CSMD1: variants seen among roughly 807,000 people sequenced by gnomAD.
CSMD1 encodes CUB and sushi domain-containing protein 1.
CSMD1 carries 213 observed loss-of-function variants against 417.5 expected under a neutral mutation model. The observed-to-expected ratio is 0.51, with a 90% CI of 0.46 to 0.57. The LOEUF (loss-of-function observed/expected upper bound fraction) is 0.57, where lower values mean the gene tolerates loss of function less well. Among genes scored for constraint, CSMD1 ranks in the 20% least tolerant of loss-of-function variants. The pLI is 0.00. For synonymous variants in CSMD1, 2,862 were observed against 1,736.8 expected, an observed-to-expected ratio of 1.65 and a Z score of -16.11; for missense variants, 6,923 against 4,529.7, an observed-to-expected ratio of 1.53 and a Z score of -15.17.
At chr8:4,231,789 T>G (rs1801750088) in intron 3 of CSMD1, among the ~76,000 whole-genome samples, 1 of 152,164 alleles carries the variant, frequency 6.6e-6, no homozygotes, top group African/African-American at 2.4e-5. Flanking sequence ...GTCCCCATAC[T>G]CAGGGTTCTA....
intron 5 of CSMD1, among the ~76,000 whole-genome samples, chr8:3,995,186 C>G (rs1467481046): frequency 6.6e-6 from 1 of 152,132 alleles, no homozygotes; most frequent in East Asian, 1.9e-4. Flanking sequence ...AAGGGTACTT[C>G]AAATTATTCT....
chr8:3,262,196 T>C (rs1166240977), intron 26 of CSMD1, among the ~76,000 whole-genome samples: 5,319 of 74,398 alleles, frequency 0.071, 249 homozygotes, highest in Non-Finnish European at 0.099. Context: ...TATATATATA[T>C]ATATATATAT....
At chr8:4,201,672 T>A (rs1476119964) in intron 3 of CSMD1, among the ~76,000 whole-genome samples, 2 of 151,986 alleles carry the variant, frequency 1.3e-5, no homozygotes, top group African/African-American at 4.8e-5. Flanking sequence ...ATTTCTATAA[T>A]TTACTCAAGT....
chr8:4,796,452 G>A (rs1004538402), intron 1 of CSMD1, among the ~76,000 whole-genome samples: 39 of 151,948 alleles, frequency 2.6e-4, no homozygotes, highest in African/African-American at 8.2e-4. Flanking sequence ...CCTTTGTAAT[G>A]TATGTAAATA....
intron 23 of CSMD1, among the ~76,000 whole-genome samples, chr8:3,338,802 C>T (rs1451307470): frequency 1.3e-5 from 2 of 148,648 alleles, no homozygotes; most frequent in African/African-American, 5.0e-5. Flanking sequence ...CTGTTCATCT[C>T]CAGCCTTTCT....
In CSMD1 at chr8:4,786,634, T is replaced by A. The variant is rs150059553; in HGVS notation, c.86-149076A>T. ...AGATGATGCTTGAATCTCTCTCTGA[T>A]CTGAGCCTGAATCCAATCTAGAATA... On this transcript the variant is annotated intron_variant, in intron 1 of 69. Coordinates refer to ENST00000635120, the MANE Select transcript of CSMD1 (RefSeq NM_033225.6). Among the ~76,000 whole-genome samples, 1,146 of 152,338 alleles carry A rather than the reference T, an allele frequency of 7.5e-3. 15 individuals carry two copies. Among genetic ancestry groups the A allele is most frequent in the African/African-American group, 0.026 (1,095 of 41,588 alleles).
At chr8:3,998,139 T>C (rs757514924) in intron 4 of CSMD1, 29 bp from the exon 5 acceptor site, 1 of 1,536,458 alleles carries the variant, frequency 6.5e-7, no homozygotes, top group South Asian at 1.2e-5. Flanking sequence ...AAAGAAAGCA[T>C]CACATTTCAG....
At chr8:4,623,330 G>T (rs1801888751) in intron 2 of CSMD1, among the ~76,000 whole-genome samples, 2 of 152,102 alleles carry the variant, frequency 1.3e-5, no homozygotes, top group Non-Finnish European at 2.9e-5. Context: ...TAAAAAGGCT[G>T]AGTACACTAA....
chr8:3,088,254 C>G (rs576996627), intron 48 of CSMD1, among the ~76,000 whole-genome samples: 1 of 152,214 alleles, frequency 6.6e-6, no homozygotes. Context: ...CTTGCTTCAT[C>G]TGCACAAGGC....
chr8:4,567,264 T>C (rs948160660), intron 2 of CSMD1, among the ~76,000 whole-genome samples: 3 of 152,174 alleles, frequency 2.0e-5, no homozygotes, highest in Admixed American at 1.3e-4. Context: ...TTCACTACAA[T>C]TGTAACGATT....
intron 5 of CSMD1, among the ~76,000 whole-genome samples, chr8:3,774,944 G>C (rs1334362535): frequency 1.3e-5 from 2 of 151,994 alleles, no homozygotes; most frequent in Admixed American, 1.3e-4. Context: ...CCAGCGAGAC[G>C]GGAAACAGGT....
At chr8:3,903,994 G>A (rs560803021) in intron 5 of CSMD1, among the ~76,000 whole-genome samples, 1 of 151,958 alleles carries the variant, frequency 6.6e-6, no homozygotes, top group Non-Finnish European at 1.5e-5. Context: ...CTTGATTAAT[G>A]TCCTACCGTC....
At chr8:4,162,696 T>A (rs1020402523) in intron 3 of CSMD1, among the ~76,000 whole-genome samples, 3 of 152,150 alleles carry the variant, frequency 2.0e-5, no homozygotes, top group African/African-American at 7.2e-5. Flanking sequence ...ACTATCAACA[T>A]CCCACGCCAG....
At chr8:4,906,013 G>A (rs1050458979) in intron 1 of CSMD1, among the ~76,000 whole-genome samples, 2 of 151,916 alleles carry the variant, frequency 1.3e-5, no homozygotes, top group South Asian at 2.1e-4. Context: ...AGTCTGATCC[G>A]ATAAATTAAA....
At chr8:3,874,710 G>A (rs367905856) in intron 5 of CSMD1, among the ~76,000 whole-genome samples, 2 of 152,100 alleles carry the variant, frequency 1.3e-5, no homozygotes, top group African/African-American at 2.4e-5. Context: ...CAACAAATGC[G>A]ACTGGCGCCC....
chr8:3,724,304 C>T (rs1470824889), intron 6 of CSMD1, among the ~76,000 whole-genome samples: 3 of 151,822 alleles, frequency 2.0e-5, no homozygotes, highest in East Asian at 1.9e-4. Context: ...CCCACTAACT[C>T]GTCATCTAGC....
chr8:4,118,770 C>T (rs562988922), intron 3 of CSMD1, among the ~76,000 whole-genome samples: 13 of 152,216 alleles, frequency 8.5e-5, no homozygotes, highest in Admixed American at 2.0e-4. Context: ...ATGAATCGTT[C>T]TACTATAAAG....
chr8:3,932,750 A>G (rs1277648055), intron 5 of CSMD1, among the ~76,000 whole-genome samples: 1 of 150,528 alleles, frequency 6.6e-6, no homozygotes, highest in Admixed American at 6.6e-5. Flanking sequence ...TAATGGGATA[A>G]ACCACTAATA....
chr8:3,608,620 C>T (rs1049981491), intron 8 of CSMD1, among the ~76,000 whole-genome samples: 20 of 151,816 alleles, frequency 1.3e-4, no homozygotes, highest in African/African-American at 2.4e-4. Context: ...AAAAATTAGC[C>T]GGGCATGGTA....
Sources: allele counts gnomAD v4.1 joint callset (sites outside exome capture counted in the v4.1 genomes callset), GRCh38; gene constraint gnomAD v4.1.1; transcripts MANE v1.5; gene names NCBI Gene and HGNC (gene_info 2026-07-23, HGNC 2026-07-21).